PLCL1: variants seen among roughly 807,000 people sequenced by gnomAD.
The protein encoded by PLCL1 is inactive phospholipase C-like protein 1.
In PLCL1, 41 loss-of-function variants were observed where a neutral mutation model predicts 84.4. The ratio of observed to expected loss-of-function variants is 0.49; its 90% CI spans 0.38 to 0.63. The LOEUF (loss-of-function observed/expected upper bound fraction) is 0.63. Among genes scored for constraint, PLCL1 ranks in the 30% least tolerant of loss-of-function variants. PLCL1 has a pLI of 0.00. For missense variants in PLCL1, 1,206 were observed against 1,367.8 expected (o/e 0.88, Z 1.87); for synonymous variants, 490 against 488.3 (o/e 1.00, Z -0.05).
At chr2:197,974,909 A>AT (rs1689939793) in intron 1 of PLCL1, among the ~76,000 whole-genome samples, 1 of 152,126 alleles carries the variant, frequency 6.6e-6, no homozygotes, top group Non-Finnish European at 1.5e-5. Flanking sequence ...TGGGAGGCCG[A>AT]GGCGGGTGGA....
At chr2:197,859,867 C>G (rs1425439137) in intron 1 of PLCL1, among the ~76,000 whole-genome samples, 3 of 152,110 alleles carry the variant, frequency 2.0e-5, no homozygotes, top group African/African-American at 7.2e-5. Flanking sequence ...CAGAACAGAT[C>G]TCTGTCTTTT....
intron 1 of PLCL1, among the ~76,000 whole-genome samples, chr2:198,025,877 TA>T (rs1559078255): frequency 6.6e-6 from 1 of 152,136 alleles, no homozygotes; most frequent in African/African-American, 2.4e-5. Flanking sequence ...TGTGAATTTT[TA>T]AAATAGTGAT....
At chr2:197,896,645 G>C (rs1383503875) in intron 1 of PLCL1, among the ~76,000 whole-genome samples, 1 of 152,000 alleles carries the variant, frequency 6.6e-6, no homozygotes, top group Non-Finnish European at 1.5e-5. Flanking sequence ...AGATCGACGT[G>C]GTTTTGGTAC....
intron 5 of PLCL1, among the ~76,000 whole-genome samples, chr2:198,116,193 G>A (rs1693745504): frequency 6.6e-6 from 1 of 151,430 alleles, no homozygotes; most frequent in South Asian, 2.1e-4. Flanking sequence ...AGTTACCCTG[G>A]AGTCATAAGT....
chr2:197,829,223 G>A (rs1574900785), intron 1 of PLCL1, among the ~76,000 whole-genome samples: 1 of 152,254 alleles, frequency 6.6e-6, no homozygotes, highest in East Asian at 1.9e-4. Flanking sequence ...ATAGGTAATA[G>A]TAAAGAAACA....
At chr2:198,088,397 A>G (rs1034097453) in intron 2 of PLCL1, among the ~76,000 whole-genome samples, 1 of 152,264 alleles carries the variant, frequency 6.6e-6, no homozygotes, top group African/African-American at 2.4e-5. Flanking sequence ...GTAGCTCTAC[A>G]TGAAATGTGC....
intron 3 of PLCL1, among the ~76,000 whole-genome samples, chr2:198,091,790 C>T (rs1374362168): frequency 6.6e-6 from 1 of 151,818 alleles, no homozygotes; most frequent in Admixed American, 6.6e-5. Context: ...AGTCACTTTC[C>T]TGCTTAAAAT....
chr2:198,118,531 T>C (rs1032739543), intron 5 of PLCL1, among the ~76,000 whole-genome samples: 16 of 152,156 alleles, frequency 1.1e-4, no homozygotes, highest in African/African-American at 3.9e-4. Context: ...TACAGGAGAC[T>C]TGAAAATTAA....
chr2:197,891,406 G>A (rs542827698), intron 1 of PLCL1, among the ~76,000 whole-genome samples: 2 of 152,258 alleles, frequency 1.3e-5, no homozygotes, highest in South Asian at 4.1e-4. Context: ...CAGAGAGCAT[G>A]ATTCAGAAGG....
intron 1 of PLCL1, chr2:198,001,944 A>AC: frequency 2.4e-6 from 1 of 424,508 alleles, no homozygotes; most frequent in Middle Eastern, 7.9e-4. Context: ...GTCTCCTATC[A>AC]CCCCCAGATG....
chr2:197,949,101 T>C (rs1316485200), intron 1 of PLCL1, among the ~76,000 whole-genome samples: 1 of 152,172 alleles, frequency 6.6e-6, no homozygotes, highest in Non-Finnish European at 1.5e-5. Context: ...TAAGCCAGCT[T>C]GGTGCTGTGT....
At chr2:198,146,334 G>T (rs1259651379) in intron 5 of PLCL1, among the ~76,000 whole-genome samples, 1 of 152,160 alleles carries the variant, frequency 6.6e-6, no homozygotes, top group Non-Finnish European at 1.5e-5. Flanking sequence ...AAGACACTTT[G>T]CTTTGTAAGC....
intron 5 of PLCL1, among the ~76,000 whole-genome samples, chr2:198,115,965 T>C (rs1414618813): frequency 6.8e-6 from 1 of 147,650 alleles, no homozygotes; most frequent in African/African-American, 2.5e-5. Context: ...ATACATATAA[T>C]ATATAAAAAT....
chr2:197,970,562 T>C lies in PLCL1; in HGVS notation c.241-113196T>C, dbSNP rs572803287. Among the ~76,000 whole-genome samples, 4 of 152,340 alleles carry C rather than the reference T, an allele frequency of 2.6e-5. No individual in the cohort carries two copies. The East Asian group carries it at 7.7e-4, about 29-fold the overall frequency. On this transcript the variant is annotated intron_variant, in intron 1 of 5. Coordinates refer to ENST00000428675, the MANE Select transcript of PLCL1 (RefSeq NM_006226.4). ...GAACTATCTCAATAATTTTTGAATA[T>C]TAGTTACATGTTGAAATAATATTTT...
At chr2:198,052,968 T>A (rs1164921355) in intron 1 of PLCL1, among the ~76,000 whole-genome samples, 2 of 152,206 alleles carry the variant, frequency 1.3e-5, no homozygotes, top group Non-Finnish European at 2.9e-5. Context: ...CATGATGGTA[T>A]AAATGTTGTA....
At chr2:197,877,618 G>A (rs1382297977) in intron 1 of PLCL1, among the ~76,000 whole-genome samples, 4 of 152,030 alleles carry the variant, frequency 2.6e-5, no homozygotes, top group African/African-American at 4.8e-5. Flanking sequence ...CCAATTAGTA[G>A]CCTAATGATC....
intron 1 of PLCL1, among the ~76,000 whole-genome samples, chr2:197,900,236 A>G (rs1032326993): frequency 6.6e-6 from 1 of 152,234 alleles, no homozygotes; most frequent in Non-Finnish European, 1.5e-5. Context: ...AATATTCACT[A>G]ACTGAATAAA....
At chr2:197,858,390 G>A (rs1687368209) in intron 1 of PLCL1, among the ~76,000 whole-genome samples, 1 of 152,218 alleles carries the variant, frequency 6.6e-6, no homozygotes, top group South Asian at 2.1e-4. Context: ...TGAGCCATGT[G>A]TTCACATGGC....
chr2:197,848,885 G>C (rs1374355585), intron 1 of PLCL1, among the ~76,000 whole-genome samples: 1 of 152,098 alleles, frequency 6.6e-6, no homozygotes, highest in Non-Finnish European at 1.5e-5. Flanking sequence ...GAAGTAAAGA[G>C]ACGGAAAATT....
Sources: gnomAD v4.1 joint callset for allele counts (sites outside exome capture counted in the v4.1 genomes callset) on GRCh38, gnomAD v4.1.1 for gene constraint, MANE v1.5 for transcripts, NCBI Gene and HGNC (gene_info 2026-07-23, HGNC 2026-07-21) for gene names.